The following SUMF1 variants were observed in gnomAD, a reference collection of about 807,000 sequenced individuals.
The protein encoded by SUMF1 is formylglycine-generating enzyme.
Under a neutral mutation model 47.6 loss-of-function variants are expected in SUMF1, and 48 were observed. The observed-to-expected ratio is 1.01, with a 90% CI of 0.80 to 1.28. SUMF1 has a LOEUF of 1.28. SUMF1 is among the 50% of genes most tolerant of loss of function. The pLI is 0.00. For synonymous variants in SUMF1, 230 were observed against 192.1 expected (o/e 1.20, Z -1.63); for missense variants, 571 against 485.4 (o/e 1.18, Z -1.66).
At chr3:4,133,497 C>G (rs993837723) in intron 8 of SUMF1, among the ~76,000 whole-genome samples, 1 of 151,996 alleles carries the variant, frequency 6.6e-6, no homozygotes, top group Non-Finnish European at 1.5e-5. Context: ...GAGGGTGTTG[C>G]TGAAGGAGAT....
At chr3:4,061,784 T>C (rs764670804) in intron 9 of SUMF1, among the ~76,000 whole-genome samples, 29 of 152,118 alleles carry the variant, frequency 1.9e-4, no homozygotes, top group Non-Finnish European at 4.0e-4. Context: ...TAAAACTCTA[T>C]GATTGGTACA....
chr3:4,142,025 T>G (rs887989368), intron 8 of SUMF1, among the ~76,000 whole-genome samples: 1 of 152,162 alleles, frequency 6.6e-6, no homozygotes, highest in Admixed American at 6.5e-5. Context: ...TGTTTATAAC[T>G]GTGTGCATGA....
intron 8 of SUMF1, among the ~76,000 whole-genome samples, chr3:4,130,984 G>T (rs377586762): frequency 6.6e-6 from 1 of 152,210 alleles, no homozygotes; most frequent in Admixed American, 6.5e-5. Context: ...GCCCCCATAG[G>T]TGAATCACTG....
chr3:4,338,813 T>C (rs1044769835), intron 8 of SUMF1, among the ~76,000 whole-genome samples: 6 of 152,032 alleles, frequency 3.9e-5, no homozygotes, highest in Admixed American at 3.9e-4. Context: ...CACAGAGTCT[T>C]TCATTGGGTC....
At position 4,143,218 on chromosome 3, in the gene SUMF1, A is replaced by T. The variant is rs1369505516; in HGVS notation, c.1015-74473T>A. On this transcript the variant is annotated intron_variant and NMD_transcript_variant, in intron 8 of 12. Coordinates refer to the SUMF1 transcript ENST00000448413. ...CATTTACACAGTTAGATATTCATTA[A>T]AACAGAAAATGCCCATTAAATTTAG... Among the ~76,000 whole-genome samples the T allele has an allele frequency of 3.9e-5, 6 of 152,272 alleles. No individual in the cohort carries two copies. In the East Asian group the frequency reaches 9.7e-4, roughly 25 times the overall value.
intron 8 of SUMF1, among the ~76,000 whole-genome samples, chr3:4,219,211 T>C (rs1696008907): frequency 6.6e-6 from 1 of 152,184 alleles, no homozygotes; most frequent in African/African-American, 2.4e-5. Flanking sequence ...ACTATTCATA[T>C]AAATAAATAC....
intron 8 of SUMF1, among the ~76,000 whole-genome samples, chr3:4,126,115 T>C (rs1007700799): frequency 2.0e-5 from 3 of 151,872 alleles, no homozygotes; most frequent in Non-Finnish European, 2.9e-5. Context: ...GAATTATATA[T>C]AGATGCTTCT....
chr3:4,339,620 GC>G (rs1559232626), intron 8 of SUMF1, among the ~76,000 whole-genome samples: 1 of 152,126 alleles, frequency 6.6e-6, no homozygotes, highest in East Asian at 1.9e-4. Context: ...GATGTAGACT[GC>G]CCCCTGGAAA....
chr3:4,123,359 G>T (rs1693586411), intron 8 of SUMF1, among the ~76,000 whole-genome samples: 1 of 152,114 alleles, frequency 6.6e-6, no homozygotes, highest in Admixed American at 6.5e-5. Flanking sequence ...TCCATATTCT[G>T]CACACAGTGA....
At chr3:4,139,539 A>T (rs914379275) in intron 8 of SUMF1, among the ~76,000 whole-genome samples, 2 of 149,794 alleles carry the variant, frequency 1.3e-5, no homozygotes, top group Non-Finnish European at 1.5e-5. Context: ...GTGTGTGTGT[A>T]TATATGTATA....
intron 8 of SUMF1, among the ~76,000 whole-genome samples, chr3:4,159,413 C>T (rs959981868): frequency 4.1e-5 from 6 of 147,764 alleles, no homozygotes; most frequent in Non-Finnish European, 7.4e-5. Flanking sequence ...ACTAACAAAC[C>T]AGCAAAAAAA....
At chr3:4,368,172 C>T (rs4515039) in intron 8 of SUMF1, among the ~76,000 whole-genome samples, 93,313 of 152,004 alleles carry the variant, frequency 0.61, 29,129 homozygotes, top group East Asian at 0.76. Context: ...AAAAAGTGGG[C>T]GAAGGACATG....
At chr3:4,169,727 G>T (rs1023253676) in intron 8 of SUMF1, among the ~76,000 whole-genome samples, 1 of 152,136 alleles carries the variant, frequency 6.6e-6, no homozygotes, top group African/African-American at 2.4e-5. Context: ...GTAGCATATG[G>T]CCATCATGTA....
At chr3:4,141,598 G>A (rs920241595) in intron 8 of SUMF1, among the ~76,000 whole-genome samples, 1 of 152,106 alleles carries the variant, frequency 6.6e-6, no homozygotes, top group African/African-American at 2.4e-5. Flanking sequence ...AGGAGTTCGA[G>A]ACTACAGTGA....
At position 4,337,875 on chromosome 3, in the gene SUMF1, C is replaced by T. The variant is rs561577011; in HGVS notation, c.1014+38455G>A. ...CAACTCTTGAAAATAACCTTGTTTC[C>T]CTTTCCTCTCAGTAATCACCTCACC... On this transcript the variant is annotated intron_variant and NMD_transcript_variant, in intron 8 of 12. Coordinates refer to the SUMF1 transcript ENST00000448413. Among the ~76,000 whole-genome samples the T allele has an allele frequency of 1.1e-3, 64 of 57,460 alleles. 1 individual carries two copies. In the East Asian group the frequency reaches 0.029, roughly 26 times the overall value. 37.7% of individuals were successfully genotyped at this position (57,460 alleles called of 152,430 possible).
intron 8 of SUMF1, among the ~76,000 whole-genome samples, chr3:4,368,300 C>A (rs996627308): frequency 2.0e-5 from 3 of 152,154 alleles, no homozygotes; most frequent in Non-Finnish European, 4.4e-5. Context: ...TCATCTCACA[C>A]CAGTTAGAAT....
rs1559637603 is a variant in SUMF1 at position 4,271,498 on chromosome 3, GATAGATAGATAGATAGATAGA to G, written c.1014+104811_1014+104831del. On this transcript the variant is annotated intron_variant and NMD_transcript_variant, in intron 8 of 12. Transcript: ENST00000448413. ...AGATAGATAGATAGATAGATAGATA[GATAGATAGATAGATAGATAGA>G]TACAGAGAGGATCTCAACATTGCCC... Among the ~76,000 whole-genome samples, 30 of 151,776 alleles carry G rather than the reference GATAGATAGATAGATAGATAGA, an allele frequency of 2.0e-4. 1 individual carries two copies. Among genetic ancestry groups the G allele is most frequent in the African/African-American group, 7.0e-4 (29 of 41,340 alleles).
chr3:4,180,081 T>G lies in SUMF1; in HGVS notation c.1015-111336A>C, dbSNP rs546002161. Among the ~76,000 whole-genome samples the G allele has an allele frequency of 3.9e-5, 6 of 152,256 alleles. No homozygotes were observed. In the South Asian group the frequency reaches 6.2e-4, roughly 16 times the overall value. Reference sequence around the variant, plus strand: ...GAGGATGTGGAGAAATAGGAACGCTTTTACACTGTTGGTGGGAGTGTAAAT... The same window carrying G: ...GAGGATGTGGAGAAATAGGAACGCTGTTACACTGTTGGTGGGAGTGTAAAT... On this transcript the variant is annotated intron_variant and NMD_transcript_variant, in intron 8 of 12. Coordinates refer to the SUMF1 transcript ENST00000448413.
At chr3:4,063,489 C>A (rs964963959) in intron 9 of SUMF1, among the ~76,000 whole-genome samples, 2 of 152,018 alleles carry the variant, frequency 1.3e-5, no homozygotes, top group Admixed American at 1.3e-4. Flanking sequence ...TATATTTACC[C>A]GTCAGGCATG....
Sources: allele counts gnomAD v4.1 joint callset (sites outside exome capture counted in the v4.1 genomes callset), GRCh38; gene constraint gnomAD v4.1.1; transcripts MANE v1.5; gene names NCBI Gene and HGNC (gene_info 2026-07-23, HGNC 2026-07-21).